FRMD6: variants seen among roughly 807,000 people sequenced by gnomAD.
FRMD6 encodes the protein FERM domain containing 6, also known as FERM domain-containing protein 6.
A neutral mutation model predicts 73.2 loss-of-function variants in FRMD6; 37 were observed. That is an observed-to-expected ratio of 0.51 (90% CI 0.39 to 0.66). FRMD6 has a LOEUF of 0.66. Among genes scored for constraint, FRMD6 ranks in the 30% least tolerant of loss-of-function variants. The pLI, the probability that FRMD6 is intolerant of heterozygous loss-of-function variation, is 0.00. For synonymous variants in FRMD6, 273 were observed against 282.2 expected, an observed-to-expected ratio of 0.97 and a Z score of 0.33; for missense variants, 714 against 780.5, an observed-to-expected ratio of 0.91 and a Z score of 1.02.
intron 2 of FRMD6, among the ~76,000 whole-genome samples, chr14:51,635,579 G>T (rs959923074): frequency 1.3e-5 from 2 of 152,140 alleles, no homozygotes; most frequent in African/African-American, 4.8e-5. Context: ...TTAGTTTAAC[G>T]TTTTAAGTAA....
chr14:51,451,026 G>A, the FRMD6 span, among the ~76,000 whole-genome samples: 9 of 152,178 alleles, frequency 5.9e-5, no homozygotes, highest in Admixed American at 6.5e-5. Context: ...AGGTAATGAC[G>A]TGGAGGAGTT....
intron 1 of FRMD6, among the ~76,000 whole-genome samples, chr14:51,504,956 C>T (rs948572653): frequency 6.6e-6 from 1 of 152,240 alleles, no homozygotes; most frequent in Non-Finnish European, 1.5e-5. Flanking sequence ...GCGCCATGCT[C>T]CTATTCCTTC....
chr14:51,569,042 C>T (rs999004568), intron 1 of FRMD6, among the ~76,000 whole-genome samples: 7 of 152,012 alleles, frequency 4.6e-5, no homozygotes, highest in African/African-American at 1.5e-4. Flanking sequence ...GACAGGTTTT[C>T]ACCACGTTGG....
intron 1 of FRMD6, among the ~76,000 whole-genome samples, chr14:51,548,588 A>C (rs183838449): frequency 2.4e-4 from 36 of 152,344 alleles, no homozygotes; most frequent in South Asian, 6.2e-4. Flanking sequence ...AAATTGAAGA[A>C]AGTCTGTGAA....
the FRMD6 span, among the ~76,000 whole-genome samples, chr14:51,402,981 A>G: frequency 6.6e-6 from 1 of 152,136 alleles, no homozygotes; most frequent in African/African-American, 2.4e-5. Flanking sequence ...CTAATACACC[A>G]TAGGTAGGGG....
intron 1 of FRMD6, among the ~76,000 whole-genome samples, chr14:51,669,684 T>G (rs1327451276): frequency 2.0e-5 from 3 of 152,228 alleles, no homozygotes; most frequent in Non-Finnish European, 4.4e-5. Flanking sequence ...GGCCATATTT[T>G]TAAGAGTTGC....
chr14:51,547,940 C>G (rs2139414016), intron 1 of FRMD6: 1 of 150,144 alleles, frequency 6.7e-6, no homozygotes, highest in South Asian at 2.1e-4. Context: ...AGAAACTGTA[C>G]CAACCCAGAG....
At chr14:51,657,665 T>A (rs1406571776) in intron 1 of FRMD6, among the ~76,000 whole-genome samples, 2 of 152,148 alleles carry the variant, frequency 1.3e-5, no homozygotes, top group East Asian at 1.9e-4. Flanking sequence ...CTAAAAAATG[T>A]TGAGCACTTT....
At chr14:51,487,957 G>A (rs1882811020), upstream of FRMD6, among the ~76,000 whole-genome samples, 1 of 152,150 alleles carries the variant, frequency 6.6e-6, no homozygotes, top group Non-Finnish European at 1.5e-5. Context: ...GGAGATAAAG[G>A]ACATTTTTAA....
the FRMD6 span, among the ~76,000 whole-genome samples, chr14:51,432,421 G>A: frequency 5.3e-5 from 8 of 152,200 alleles, no homozygotes; most frequent in Admixed American, 3.3e-4. Context: ...AACAGGTAGA[G>A]GAATTCACAG....
At chr14:51,536,552 GGA>G (rs1195723498) in intron 1 of FRMD6, among the ~76,000 whole-genome samples, 3 of 151,996 alleles carry the variant, frequency 2.0e-5, no homozygotes, top group Non-Finnish European at 4.4e-5. Context: ...CCAGTAGCTG[GGA>G]TTACAGGTGC....
chr14:51,599,040 A>G (rs1176698553), intron 2 of FRMD6, among the ~76,000 whole-genome samples: 8 of 135,842 alleles, frequency 5.9e-5, no homozygotes, highest in Non-Finnish European at 1.2e-4. Context: ...TTTTCTCAGC[A>G]GCCTTGCCAG....
intron 2 of FRMD6, chr14:51,575,647 G>A (rs926045338): frequency 6.6e-6 from 1 of 152,166 alleles, no homozygotes; most frequent in Non-Finnish European, 1.5e-5. Context: ...ACAATGGCAG[G>A]AATACAGAGA....
At chr14:51,442,086 C>T in the FRMD6 span, among the ~76,000 whole-genome samples, 11 of 152,166 alleles carry the variant, frequency 7.2e-5, no homozygotes, top group South Asian at 1.0e-3. Flanking sequence ...GTGTAAGGAC[C>T]GTTTTTATCT....
At chr14:51,565,369 A>C (rs1334078235) in intron 1 of FRMD6, 1 of 152,292 alleles carries the variant, frequency 6.6e-6, no homozygotes. Flanking sequence ...AGCTCTATTA[A>C]GCTTCAAGGT....
chr14:51,653,252 TG>T (rs1892561003), intron 1 of FRMD6, among the ~76,000 whole-genome samples: 1 of 152,332 alleles, frequency 6.6e-6, no homozygotes, highest in Admixed American at 6.5e-5. Flanking sequence ...TGTTTGTTTA[TG>T]GGTTTTATAA....
At chr14:51,477,124 T>C in the FRMD6 span, among the ~76,000 whole-genome samples, 587 of 152,328 alleles carry the variant, frequency 3.9e-3, 9 homozygotes, top group East Asian at 0.058. Flanking sequence ...AGATCTGAGA[T>C]GAATTAAAAT....
intron 1 of FRMD6, among the ~76,000 whole-genome samples, chr14:51,533,976 A>G (rs1455749421): frequency 6.6e-6 from 1 of 152,194 alleles, no homozygotes; most frequent in African/African-American, 2.4e-5. Flanking sequence ...TTTGGGGAAC[A>G]GCAGAATTGC....
chr14:51,528,257 G>A (rs1400090607), intron 1 of FRMD6, among the ~76,000 whole-genome samples: 2 of 152,186 alleles, frequency 1.3e-5, no homozygotes, highest in East Asian at 3.9e-4. Context: ...TCCAGCTGAG[G>A]GGTAGAGCAA....
Sources: gnomAD v4.1 joint callset for allele counts (sites outside exome capture counted in the v4.1 genomes callset) on GRCh38, gnomAD v4.1.1 for gene constraint, MANE v1.5 for transcripts, NCBI Gene and HGNC (gene_info 2026-07-23, HGNC 2026-07-21) for gene names.